ZNF782: variants seen among roughly 807,000 people sequenced by gnomAD.
The protein encoded by ZNF782 is zinc finger protein 782.
In ZNF782, 12 loss-of-function variants were observed where a neutral mutation model predicts 13.0. That is an observed-to-expected ratio of 0.92 (90% CI 0.59 to 1.50). The LOEUF is 1.50. Ranked by LOEUF, ZNF782 falls within the 40% of genes most tolerant of loss-of-function variation. The pLI is 0.00. For synonymous variants in ZNF782, 284 were observed against 283.0 expected (o/e 1.00, Z -0.04); for missense variants, 770 against 822.9 (o/e 0.94, Z 0.79).
intron 1 of ZNF782, among the ~76,000 whole-genome samples, chr9:96,875,269 A>G (rs1189589144): frequency 6.6e-6 from 1 of 152,216 alleles, no homozygotes; most frequent in Non-Finnish European, 1.5e-5. Context: ...GAGTCATCCA[A>G]TGAAAAGAAC....
At chr9:96,884,070 C>T in the ZNF782 span, among the ~76,000 whole-genome samples, 8 of 152,230 alleles carry the variant, frequency 5.3e-5, no homozygotes, top group Non-Finnish European at 2.9e-5. Flanking sequence ...ACCCTCTACC[C>T]TGTGGAAGCA....
chr9:96,863,229 A>T (rs756819045), intron 1 of ZNF782, among the ~76,000 whole-genome samples: 1 of 152,180 alleles, frequency 6.6e-6, no homozygotes, highest in Non-Finnish European at 1.5e-5. Context: ...ACTTTTTGAC[A>T]TCTATTTGTC....
At position 96,819,653 on chromosome 9, in the gene ZNF782, G is replaced by T; in HGVS notation, c.370C>A (p.Arg124=). The T allele has an allele frequency of 6.2e-7, 1 of 1,613,946 alleles. No individual in the cohort carries two copies. The highest frequency in any genetic ancestry group is 8.5e-7 in the Non-Finnish European group (1 of 1,179,980). ...EQEISGKPHN[R]DINIFRARMM... ...CTTGCACGAAAAATGTTTATGTCTC[G>T]ATTATGTGGTTTTCCTGAAATTTCT... The change falls in exon 6 of 6, where the codon CGA becomes AGA. Residue 124 remains arginine (R), a synonymous_variant. Transcript: ENST00000481138.
At chr9:96,889,018 A>C in the ZNF782 span, 1 of 152,248 alleles carries the variant, frequency 6.6e-6, no homozygotes, top group African/African-American at 2.4e-5. Context: ...CTGGAAAGTC[A>C]TCCAACATCT....
At chr9:96,901,887 AAAG>A in the ZNF782 span, among the ~76,000 whole-genome samples, 1 of 149,490 alleles carries the variant, frequency 6.7e-6, no homozygotes, top group East Asian at 2.1e-4. Flanking sequence ...AAAAAAAAAA[AAAG>A]AAACATCTGA....
intron 3 of ZNF782, among the ~76,000 whole-genome samples, chr9:96,849,898 G>GA (rs1024590461): frequency 7.3e-5 from 11 of 151,038 alleles, no homozygotes; most frequent in East Asian, 1.9e-4. Context: ...ATAAACACAT[G>GA]AAAAAAAAAT....
upstream of ZNF782, among the ~76,000 whole-genome samples, chr9:96,857,372 T>C (rs1356586787): frequency 1.3e-5 from 2 of 152,214 alleles, no homozygotes; most frequent in African/African-American, 2.4e-5. Context: ...GATTGTGATA[T>C]GGCCTCTTGC....
At chr9:96,823,983 G>C in intron 5 of ZNF782, among the ~76,000 whole-genome samples, 1 of 152,134 alleles carries the variant, frequency 6.6e-6, no homozygotes, top group Non-Finnish European at 1.5e-5. Context: ...ATACAAGGAG[G>C]AACTGGTACC....
rs987717810 is a variant in ZNF782 at position 96,872,011 on chromosome 9, C to T, written c.-457+3457G>A. 5.3e-5 allele frequency among the ~76,000 whole-genome samples: 8 copies of T among 152,114 alleles called. No individual in the cohort carries two copies. In the South Asian group the frequency reaches 1.0e-3, roughly 20 times the overall value. Reference sequence around the variant, plus strand: ...CTGGACCTTAATAGTAGTAGATGATCTAATACATTTTATTATCCCGCATGT... The same window carrying T: ...CTGGACCTTAATAGTAGTAGATGATTTAATACATTTTATTATCCCGCATGT... On this transcript the variant is annotated intron_variant, in intron 1 of 5. Transcript: ENST00000498811.
At chr9:96,830,859 C>G (rs1056725704) in intron 4 of ZNF782, among the ~76,000 whole-genome samples, 7 of 151,984 alleles carry the variant, frequency 4.6e-5, no homozygotes, top group Non-Finnish European at 1.0e-4. Context: ...AATAGAAAGT[C>G]TCAGCAAAGA....
At chr9:96,866,493 A>ATCTGGATGACC (rs1491228576) in intron 1 of ZNF782, among the ~76,000 whole-genome samples, 1 of 152,182 alleles carries the variant, frequency 6.6e-6, no homozygotes, top group Non-Finnish European at 1.5e-5. Flanking sequence ...ATGACCAAGC[A>ATCTGGATGACC]AAAGTTTGCT....
chr9:96,921,253 G>A, the ZNF782 span, among the ~76,000 whole-genome samples: 13 of 148,648 alleles, frequency 8.7e-5, no homozygotes, highest in East Asian at 7.5e-4. Context: ...TATTCTGGCC[G>A]AGTGTGGTGG....
At chr9:96,931,298 T>C in the ZNF782 span, among the ~76,000 whole-genome samples, 1 of 151,248 alleles carries the variant, frequency 6.6e-6, no homozygotes, top group African/African-American at 2.4e-5. Flanking sequence ...CGGAAACTTC[T>C]GGTTTCCTGT....
intron 5 of ZNF782, among the ~76,000 whole-genome samples, chr9:96,822,034 T>C (rs1588147592): frequency 6.6e-6 from 1 of 152,224 alleles, no homozygotes; most frequent in South Asian, 2.1e-4. Context: ...AAATATAACC[T>C]TCGTTCTGAT....
Position 96,818,948 on chromosome 9 carries a change from C to A in ZNF782, c.1075G>T (p.Val359Phe). The A allele has an allele frequency of 6.2e-7, 1 of 1,614,128 alleles. No homozygotes were observed. Among genetic ancestry groups the A allele is most frequent in the Non-Finnish European group, 8.5e-7 (1 of 1,180,016 alleles). The change falls in exon 6 of 6, where the codon GTT (valine) becomes TTT (phenylalanine). Residue 359 changes from valine (V) to phenylalanine (F), a missense_variant. By Grantham distance (50) the Val-to-Phe change is conservative. Transcript: ENST00000481138. The part of the protein sequence containing the change: ...YQSTFSVHQK[V>F]HIRAKPYEYN... Reference sequence around the variant, plus strand: ...TCATAGGGTTTTGCCCTTATGTGAACCTTCTGATGTACACTGAAAGTTGAC... The same window carrying A: ...TCATAGGGTTTTGCCCTTATGTGAAACTTCTGATGTACACTGAAAGTTGAC...
At chr9:96,889,823 C>G in the ZNF782 span, 1 of 152,136 alleles carries the variant, frequency 6.6e-6, no homozygotes, top group Non-Finnish European at 1.5e-5. Context: ...TTAACTGATA[C>G]GTATATTTAA....
At chr9:96,913,101 G>A in the ZNF782 span, among the ~76,000 whole-genome samples, 8 of 151,122 alleles carry the variant, frequency 5.3e-5, no homozygotes, top group African/African-American at 1.9e-4. Flanking sequence ...GATCACTTCA[G>A]GCCAGAAGTT....
chr9:96,925,871 G>C, the ZNF782 span, among the ~76,000 whole-genome samples: 1 of 147,790 alleles, frequency 6.8e-6, no homozygotes, highest in African/African-American at 2.6e-5. Context: ...TCAGTGATTG[G>C]GTGGAAGAGC....
At chr9:96,920,042 G>A in the ZNF782 span, among the ~76,000 whole-genome samples, 2 of 150,996 alleles carry the variant, frequency 1.3e-5, no homozygotes, top group African/African-American at 2.4e-5. Flanking sequence ...TAAGAAGTAG[G>A]TAAACTTCTG....
Sources: allele counts gnomAD v4.1 joint callset (sites outside exome capture counted in the v4.1 genomes callset), GRCh38; gene constraint gnomAD v4.1.1; transcripts MANE v1.5; gene names NCBI Gene and HGNC (gene_info 2026-07-23, HGNC 2026-07-21).